Variants in SMARCAD1 observed in about 807,000 individuals in gnomAD.
The protein encoded by SMARCAD1 is SWI/SNF-related matrix-associated actin-dependent regulator of chromatin subfamily A containing DEAD/H box 1.
SMARCAD1 carries 25 observed loss-of-function variants against 127.1 expected under a neutral mutation model. The observed-to-expected ratio is 0.20, with a 90% CI of 0.14 to 0.27. The LOEUF (loss-of-function observed/expected upper bound fraction) is 0.27. Ranked by LOEUF, SMARCAD1 falls within the 10% of genes least tolerant of loss-of-function variation. The probability of loss-of-function intolerance (pLI) is 1.00; values close to 1 mark genes in which losing one functional copy is unlikely to be tolerated. For missense variants in SMARCAD1, 807 were observed against 1,206.0 expected (o/e 0.67, Z 4.90); for synonymous variants, 400 against 396.9 (o/e 1.01, Z -0.09).
chr4:94,250,266 A>G (rs1044831284), intron 7 of SMARCAD1, among the ~76,000 whole-genome samples: 1 of 152,096 alleles, frequency 6.6e-6, no homozygotes, highest in Non-Finnish European at 1.5e-5. Context: ...CATATATAGA[A>G]GCACATATTT....
intron 2 of SMARCAD1, among the ~76,000 whole-genome samples, chr4:94,212,079 G>A (rs1381395831): frequency 2.0e-5 from 3 of 152,198 alleles, no homozygotes; most frequent in Non-Finnish European, 4.4e-5. Context: ...TCAGGGCAAC[G>A]ACTGGCTTGT....
chr4:94,242,233 T>A (rs1395995344), intron 6 of SMARCAD1, among the ~76,000 whole-genome samples: 3 of 151,566 alleles, frequency 2.0e-5, no homozygotes, highest in African/African-American at 7.3e-5. Flanking sequence ...TTTGTAGAGA[T>A]GGAGTTACAC....
chr4:94,290,791 T>C lies in SMARCAD1; in HGVS notation c.*1257T>C. The C allele has an allele frequency of 2.3e-6, 1 of 430,998 alleles. No homozygotes were observed. Among genetic ancestry groups the C allele is most frequent in the Non-Finnish European group, 4.6e-6 (1 of 218,940 alleles). The allele number at this position is 430,998 out of a possible 1,614,324, so 26.7% of individuals were successfully genotyped here. A position where few individuals can be genotyped will look rare whatever the true frequency, so the allele number is the denominator to read the frequency against. ...GTGTTTTGTTTTTATTATGTAAATA[T>C]CATTATAAATAAACTTATTTATAAA... is the stretch of plus-strand genomic sequence containing the variant. On this transcript the variant is annotated 3_prime_UTR_variant, in exon 24 of 24. Transcript: ENST00000354268.
chr4:94,214,472 T>A (rs1235652836), intron 2 of SMARCAD1, among the ~76,000 whole-genome samples: 2 of 151,908 alleles, frequency 1.3e-5, no homozygotes, highest in Non-Finnish European at 2.9e-5. Context: ...TTTCACCGTA[T>A]TAGCCAGGAT....
intron 9 of SMARCAD1, chr4:94,253,654 G>A (rs939327953): frequency 2.9e-6 from 3 of 1,027,800 alleles, no homozygotes; most frequent in South Asian, 3.6e-5. Flanking sequence ...GTTAGGTGAA[G>A]GGAAGGCATA....
chr4:94,273,514 A>G, intron 11 of SMARCAD1, 103 bp from the exon 12 acceptor site: 2 of 848,412 alleles, frequency 2.4e-6, no homozygotes, highest in African/African-American at 1.7e-5. Context: ...CTGGGAAATC[A>G]AAAGTGAATA....
At chr4:94,272,887 G>T (rs1752745437) in intron 11 of SMARCAD1, among the ~76,000 whole-genome samples, 1 of 151,926 alleles carries the variant, frequency 6.6e-6, no homozygotes, top group Non-Finnish European at 1.5e-5. Flanking sequence ...GCTCACTGCA[G>T]CCTCGACCTC....
intron 3 of SMARCAD1, among the ~76,000 whole-genome samples, chr4:94,230,541 T>G (rs1319781867): frequency 6.6e-6 from 1 of 152,184 alleles, no homozygotes; most frequent in Non-Finnish European, 1.5e-5. Flanking sequence ...GCCAGATAAT[T>G]CTTTGTTGTG....
At position 94,252,671 on chromosome 4, in the gene SMARCAD1, A is replaced by C. The variant is rs772793881; in HGVS notation, c.945A>C (p.Arg315Ser). The change falls in exon 9 of 24, where the codon AGA (arginine) becomes AGC (serine). Residue 315 changes from arginine to serine, a missense_variant. Transcript: ENST00000354268. The stretch of plus-strand genomic sequence containing the variant: ...CAAATGGAAAAGAAGTTTCTTCAAG[A>C]AGTCAAAATTACCCTAAAAATGCAA... ...EVPNGKEVSSRSQNYPKNATK... is the reference protein window; with the variant it reads ...EVPNGKEVSSSSQNYPKNATK... 1 of 1,579,194 alleles carries C rather than the reference A, an allele frequency of 6.3e-7. No individual in the cohort carries two copies. Among genetic ancestry groups the C allele is most frequent in the Non-Finnish European group, 8.6e-7 (1 of 1,166,050 alleles).
chr4:94,236,820 ATGAACT>A (rs901717444), intron 4 of SMARCAD1, 126 bp from the exon 5 acceptor site: 1 of 740,070 alleles, frequency 1.4e-6, no homozygotes, highest in African/African-American at 1.8e-5. Context: ...ATAGGACTTA[ATGAACT>A]TAAACTATGA....
At chr4:94,255,218 T>A (rs918280127) in intron 9 of SMARCAD1, among the ~76,000 whole-genome samples, 4 of 152,106 alleles carry the variant, frequency 2.6e-5, no homozygotes, top group African/African-American at 9.6e-5. Flanking sequence ...TAACAAATAG[T>A]CTGCTCTTTC....
chr4:94,276,299 A>G, intron 14 of SMARCAD1, 40 bp from the exon 15 acceptor site: 1 of 1,611,522 alleles, frequency 6.2e-7, no homozygotes. Flanking sequence ...CCAAGCTCTT[A>G]AAGGTATAAC....
At chr4:94,275,348 T>G (rs1370697420) in intron 14 of SMARCAD1, among the ~76,000 whole-genome samples, 1 of 152,164 alleles carries the variant, frequency 6.6e-6, no homozygotes, top group African/African-American at 2.4e-5. Flanking sequence ...ATGAAAAATT[T>G]GAGTTAGGGC....
At chr4:94,267,405 C>T (rs749787825) in intron 10 of SMARCAD1, among the ~76,000 whole-genome samples, 5 of 152,106 alleles carry the variant, frequency 3.3e-5, no homozygotes, top group Admixed American at 1.3e-4. Context: ...GGACAGCATC[C>T]GTAACCTGTT....
intron 7 of SMARCAD1, 49 bp downstream of exon 7, chr4:94,249,804 A>T (rs1247311668): frequency 9.4e-7 from 1 of 1,067,538 alleles, no homozygotes; most frequent in South Asian, 1.3e-5. Flanking sequence ...AAGTGTTTTT[A>T]TTATAAAATA....
chr4:94,269,045 ACAGAATTAGAAAAGAATTATAAAAGG>A (rs1173426649), intron 10 of SMARCAD1, among the ~76,000 whole-genome samples: 5 of 152,186 alleles, frequency 3.3e-5, no homozygotes, highest in Non-Finnish European at 7.4e-5. Flanking sequence ...AATTATAAAG[ACAGAATTAGAAAAGAATTATAAAAGG>A]CAGAATTAGA....
intron 4 of SMARCAD1, 130 bp from the exon 5 acceptor site, chr4:94,236,822 G>C: frequency 1.3e-6 from 1 of 747,142 alleles, no homozygotes; most frequent in Non-Finnish European, 2.3e-6. Context: ...AGGACTTAAT[G>C]AACTTAAACT....
rs536984582 is a variant in SMARCAD1, at chr4:94,276,885, C to T, written c.1945-137C>T. The T allele has an allele frequency of 5.6e-6, 5 of 900,318 alleles. No individual in the cohort carries two copies. The East Asian group carries it at 1.1e-4, about 19-fold the overall frequency. The allele number at this position is 900,318 out of a possible 1,614,324, so 55.8% of individuals were successfully genotyped here. ...ACGTCAATTATTTAAATTACTATAT[C>T]ATTTATCACAGAATGTTAAATTATT... On this transcript the variant is annotated intron_variant, in intron 15 of 23. Coordinates refer to ENST00000354268, the MANE Select transcript of SMARCAD1 (RefSeq NM_020159.5).
chr4:94,283,101 C>T lies in SMARCAD1; in HGVS notation c.2727-20C>T, dbSNP rs777060176. On this transcript the variant is annotated intron_variant, in intron 21 of 23. Coordinates refer to ENST00000354268, the MANE Select transcript of SMARCAD1 (RefSeq NM_020159.5). Reference sequence around the variant, plus strand: ...ATACAACTTTTTAGTGAGATTTAACCTAATTTGTTTATCTTACAGGATTCA... The same window carrying T: ...ATACAACTTTTTAGTGAGATTTAACTTAATTTGTTTATCTTACAGGATTCA... The T allele has an allele frequency of 1.2e-5, 19 of 1,595,878 alleles. No individual in the cohort carries two copies. The highest frequency in any genetic ancestry group is 1.6e-5 in the Non-Finnish European group (19 of 1,165,726).
Sources: gnomAD v4.1 joint callset for allele counts (sites outside exome capture counted in the v4.1 genomes callset) on GRCh38, gnomAD v4.1.1 for gene constraint, MANE v1.5 for transcripts, NCBI Gene and HGNC (gene_info 2026-07-23, HGNC 2026-07-21) for gene names.